Variants in TNRC6A observed in about 807,000 individuals in gnomAD.
TNRC6A encodes the protein trinucleotide repeat-containing gene 6A protein.
A neutral mutation model predicts 221.2 loss-of-function variants in TNRC6A; 44 were observed. The observed-to-expected ratio is 0.20, with a 90% CI of 0.16 to 0.26. The LOEUF (loss-of-function observed/expected upper bound fraction) is 0.26. Ranked by LOEUF, TNRC6A falls within the 10% of genes least tolerant of loss-of-function variation. TNRC6A has a pLI of 1.00. For synonymous variants in TNRC6A, 847 were observed against 838.5 expected (o/e 1.01, Z -0.18); for missense variants, 2,199 against 2,404.4 (o/e 0.91, Z 1.79).
chr16:24,624,294 A>G (rs979614367), intron 1 of TNRC6A, among the ~76,000 whole-genome samples: 6 of 152,202 alleles, frequency 3.9e-5, no homozygotes, highest in African/African-American at 1.4e-4. Context: ...TCACAGCAGG[A>G]CACGTGGCCA....
intron 4 of TNRC6A, among the ~76,000 whole-genome samples, chr16:24,762,803 G>A (rs569258797): frequency 5.3e-5 from 8 of 152,250 alleles, no homozygotes; most frequent in African/African-American, 1.2e-4. Flanking sequence ...GGGCTCTACC[G>A]CTTCTGTTTC....
chr16:24,787,843 C>T (rs2058007510), intron 5 of TNRC6A, among the ~76,000 whole-genome samples: 1 of 152,152 alleles, frequency 6.6e-6, no homozygotes. Flanking sequence ...AGCAAATCAC[C>T]TTAATAGTGA....
intron 2 of TNRC6A, among the ~76,000 whole-genome samples, chr16:24,674,587 C>A (rs1006564395): frequency 2.6e-5 from 4 of 151,882 alleles, no homozygotes; most frequent in Admixed American, 2.0e-4. Flanking sequence ...TCCGTTGCAA[C>A]GGAGTTCCAC....
chr16:24,739,679 A>G (rs2056851318), intron 2 of TNRC6A, among the ~76,000 whole-genome samples: 1 of 151,810 alleles, frequency 6.6e-6, no homozygotes, highest in Non-Finnish European at 1.5e-5. Flanking sequence ...GAATTTCACC[A>G]TGTTGGCCAG....
intron 18 of TNRC6A, among the ~76,000 whole-genome samples, chr16:24,814,329 T>C (rs1009618174): frequency 1.3e-4 from 20 of 152,088 alleles, no homozygotes; most frequent in African/African-American, 4.8e-4. Context: ...CACCTCAAAT[T>C]CAACATGAAT....
rs1391526411 is a variant in TNRC6A at position 24,739,466 on chromosome 16, C to T, written c.53+9166C>T. On this transcript the variant is annotated intron_variant, in intron 2 of 24. Coordinates refer to ENST00000395799, the MANE Select transcript of TNRC6A (RefSeq NM_014494.4). ...ACAGGTATTTTTTCCTATTTTGTGG[C>T]TTTTCCTTTCACTTTTTTTTTTTTT... 5.7e-5 allele frequency among the ~76,000 whole-genome samples: 8 copies of T among 139,674 alleles called. No homozygotes were observed. In the South Asian group the frequency reaches 1.6e-3, roughly 27 times the overall value. The allele number at this position is 139,674 out of a possible 152,430, so 91.6% of individuals were successfully genotyped here.
chr16:24,753,279 C>T (rs1361983955), intron 3 of TNRC6A, among the ~76,000 whole-genome samples: 2 of 152,208 alleles, frequency 1.3e-5, no homozygotes, highest in African/African-American at 4.8e-5. Flanking sequence ...CTAGAACCAT[C>T]ATCAGAAGCT....
chr16:24,805,710 C>T lies in TNRC6A; in HGVS notation c.4228C>T (p.Leu1410Phe). 1 of 1,614,232 alleles carries T rather than the reference C, an allele frequency of 6.2e-7. No individual in the cohort carries two copies. Among genetic ancestry groups the T allele is most frequent in the Non-Finnish European group, 8.5e-7 (1 of 1,180,046 alleles). ...MLNQLSQLNQ[L>F]SQISQLQRLL... ...GAACCAGCTATCCCAGCTAAACCAG[C>T]TTTCTCAGATCTCCCAGTTACAGGT... is the stretch of plus-strand genomic sequence containing the variant. Residue 1410 changes from leucine to phenylalanine, a missense_variant, in exon 15 of 25, where the codon CTT becomes TTT. Around this residue, in one of 8 missense-constraint regions of TNRC6A, gnomAD observed 449 missense variants for 579.7 expected, o/e 0.77. Transcript: ENST00000395799.
intron 1 of TNRC6A, among the ~76,000 whole-genome samples, chr16:24,623,178 T>TTTAC (rs1385090469): frequency 1.6e-4 from 23 of 142,892 alleles, no homozygotes; most frequent in African/African-American, 6.1e-4. Context: ...TATTTATTTA[T>TTTAC]TTATTTATTT....
In TNRC6A at chr16:24,729,834, TTACACACATGAGG is replaced by T; in HGVS notation, c.-6_5+2del. On this transcript the variant is annotated splice_donor_variant and coding_sequence_variant and 5_prime_UTR_variant, in exon 1 of 25. Coordinates refer to ENST00000395799, the MANE Select transcript of TNRC6A (RefSeq NM_014494.4). LOFTEE classifies it high-confidence loss of function. ...GCCGCGCCCCACTTGCTCGTGCACT[TTACACACATGAGG>T]TGAGCGGAACAAGGGCCTCCCTCCG... is the stretch of plus-strand genomic sequence containing the variant. The T allele has an allele frequency of 7.2e-7, 1 of 1,389,302 alleles. No homozygotes were observed. The allele number at this position is 1,389,302 out of a possible 1,614,324, so 86.1% of individuals were successfully genotyped here. A position where few individuals can be genotyped will look rare whatever the true frequency, so the allele number is the denominator to read the frequency against.
Position 24,810,231 on chromosome 16 carries a change from G to A in TNRC6A, c.4672+750G>A, listed in dbSNP as rs80066051. 3.9e-5 allele frequency among the ~76,000 whole-genome samples: 6 copies of A among 152,158 alleles called. No homozygotes were observed. In the East Asian group the frequency reaches 1.2e-3, roughly 29 times the overall value. On this transcript the variant is annotated intron_variant, in intron 18 of 24. Transcript: ENST00000395799. ...CTTTTCAGCAATTAAATTTTTTTTA[G>A]AAATGCCGTTTTCATCTTATTTAGT...
At chr16:24,822,724 C>T (rs2058790909) in intron 23 of TNRC6A, 150 bp from the exon 24 acceptor site, 23 of 1,119,758 alleles carry the variant, frequency 2.1e-5, no homozygotes, top group Middle Eastern at 3.0e-4. Context: ...CTCTGCACCC[C>T]GTCAGAGCAA....
intron 2 of TNRC6A, among the ~76,000 whole-genome samples, 196 bp downstream of exon 2, chr16:24,730,496 TAAAA>T (rs371676645): frequency 2.2e-5 from 3 of 135,150 alleles, no homozygotes; most frequent in African/African-American, 5.4e-5. Context: ...TTTCTTTCTT[TAAAA>T]AAAAAAAAAA....
At chr16:24,759,546 G>C (rs940647015) in intron 4 of TNRC6A, among the ~76,000 whole-genome samples, 3 of 152,168 alleles carry the variant, frequency 2.0e-5, no homozygotes, top group African/African-American at 7.2e-5. Flanking sequence ...TGCATCTTTT[G>C]TCTCTAGAGT....
At chr16:24,778,274 C>G (rs948254570) in intron 5 of TNRC6A, 1 of 984,900 alleles carries the variant, frequency 1.0e-6, no homozygotes, top group Non-Finnish European at 1.2e-6. Flanking sequence ...TACTCACTTT[C>G]TATACCTGTG....
chr16:24,617,624 A>G (rs540872909), intron 1 of TNRC6A, among the ~76,000 whole-genome samples: 51 of 152,294 alleles, frequency 3.3e-4, no homozygotes, highest in African/African-American at 1.2e-3. Flanking sequence ...AATCCTCATA[A>G]CAACCCCAGG....
intron 4 of TNRC6A, among the ~76,000 whole-genome samples, chr16:24,769,382 T>TG (rs1177616432): frequency 2.0e-5 from 3 of 152,060 alleles, no homozygotes; most frequent in African/African-American, 7.2e-5. Context: ...TCTTAAAAGT[T>TG]TAACTTGTTC....
chr16:24,712,919 G>GTGTGTA (rs1567379598), intron 2 of TNRC6A, among the ~76,000 whole-genome samples: 3 of 92,788 alleles, frequency 3.2e-5, no homozygotes, highest in African/African-American at 1.1e-4. Flanking sequence ...GTGTGTGTGT[G>GTGTGTA]TGTGTGTGTG....
chr16:24,751,223 T>C (rs1032569582), intron 3 of TNRC6A, among the ~76,000 whole-genome samples: 10 of 152,194 alleles, frequency 6.6e-5, no homozygotes, highest in African/African-American at 2.4e-4. Flanking sequence ...TTTCCTTGTG[T>C]TTTGTTAAAT....
Sources: gnomAD v4.1 joint callset for allele counts (sites outside exome capture counted in the v4.1 genomes callset) on GRCh38, gnomAD v4.1.1 for gene constraint, gnomAD v4.1.1 regional missense constraint, MANE v1.5 for transcripts, NCBI Gene and HGNC (gene_info 2026-07-23, HGNC 2026-07-21) for gene names.